Variants in KCNQ3 observed in about 807,000 individuals in gnomAD.
KCNQ3 encodes the protein potassium voltage-gated channel subfamily Q member 3.
Under a neutral mutation model 92.5 loss-of-function variants are expected in KCNQ3, and 30 were observed. The ratio of observed to expected loss-of-function variants is 0.32; its 90% confidence interval spans 0.24 to 0.44. KCNQ3 has a LOEUF of 0.44. Ranked by LOEUF, KCNQ3 falls within the 20% of genes least tolerant of loss-of-function variation. The pLI is 1.00. For synonymous variants in KCNQ3, 450 were observed against 468.8 expected, an observed-to-expected ratio of 0.96 and a Z score of 0.52; for missense variants, 913 against 1,140.3, an observed-to-expected ratio of 0.80 and a Z score of 2.87.
intron 1 of KCNQ3, among the ~76,000 whole-genome samples, chr8:132,295,954 G>C (rs1057411069): frequency 6.6e-6 from 1 of 152,046 alleles, no homozygotes; most frequent in African/African-American, 2.4e-5. Context: ...GTGATGGGTT[G>C]GTAGGTGCAG....
intron 1 of KCNQ3, among the ~76,000 whole-genome samples, chr8:132,377,417 C>A (rs1189031159): frequency 6.6e-6 from 1 of 152,176 alleles, no homozygotes; most frequent in Non-Finnish European, 1.5e-5. Context: ...CTCTGTATAT[C>A]CTCTTGGTCC....
chr8:132,446,212 C>T (rs890127886), intron 1 of KCNQ3, among the ~76,000 whole-genome samples: 2 of 152,312 alleles, frequency 1.3e-5, no homozygotes, highest in Middle Eastern at 6.8e-3. Context: ...CATGCCTCAG[C>T]CTGGATCCAC....
intron 3 of KCNQ3, 39 bp downstream of exon 3, chr8:132,184,202 G>A: frequency 1.2e-6 from 2 of 1,613,664 alleles, no homozygotes; most frequent in Non-Finnish European, 1.7e-6. Context: ...CCAAAAGAAG[G>A]GAACTGAGGA....
intron 1 of KCNQ3, among the ~76,000 whole-genome samples, chr8:132,368,153 C>T (rs1225329613): frequency 6.6e-6 from 1 of 152,106 alleles, no homozygotes; most frequent in African/African-American, 2.4e-5. Context: ...AATCGTTTTC[C>T]TTATAAACAT....
chr8:132,298,564 G>A (rs1232755025), intron 1 of KCNQ3, among the ~76,000 whole-genome samples: 2 of 152,082 alleles, frequency 1.3e-5, no homozygotes, highest in South Asian at 2.1e-4. Context: ...TGGGGTGGGG[G>A]AGCCTTAATA....
intron 1 of KCNQ3, chr8:132,278,188 G>C (rs1413085176): frequency 3.0e-6 from 3 of 985,082 alleles, no homozygotes; most frequent in Admixed American, 6.1e-5. Flanking sequence ...CATGTAAATT[G>C]GTTTCACATA....
chr8:132,139,944 A>AACTC, intron 11 of KCNQ3, 132 bp downstream of exon 11: 1 of 656,362 alleles, frequency 1.5e-6, no homozygotes, highest in Non-Finnish European at 2.7e-6. Flanking sequence ...TCAGGGACCT[A>AACTC]ACTCAGGGTT....
chr8:132,234,470 G>C lies in KCNQ3; in HGVS notation c.387-48289C>G, dbSNP rs542893106. ...CAGAGTTCTGGAAAGCCAGTCCTAT[G>C]ATGGGGCTACCTTCTGCGGGTGGGT... On this transcript the variant is annotated intron_variant, in intron 1 of 14. Transcript: ENST00000388996. Among the ~76,000 whole-genome samples, 3 of 149,256 alleles carry C rather than the reference G, an allele frequency of 2.0e-5. No individual in the cohort carries two copies. The South Asian group carries it at 6.4e-4, about 32-fold the overall frequency.
intron 1 of KCNQ3, among the ~76,000 whole-genome samples, chr8:132,383,237 A>G (rs1343393343): frequency 2.6e-5 from 4 of 152,234 alleles, no homozygotes; most frequent in African/African-American, 4.8e-5. Context: ...CAGGTTACAG[A>G]GGAATGCCTC....
intron 1 of KCNQ3, among the ~76,000 whole-genome samples, chr8:132,288,884 A>G (rs1816757548): frequency 6.6e-6 from 1 of 152,200 alleles, no homozygotes; most frequent in Non-Finnish European, 1.5e-5. Flanking sequence ...AATACTCAAG[A>G]GCCATTCACA....
intron 1 of KCNQ3, among the ~76,000 whole-genome samples, chr8:132,467,245 A>C (rs866187488): frequency 4.6e-5 from 7 of 152,160 alleles, no homozygotes; most frequent in African/African-American, 1.7e-4. Context: ...CACACCTTAG[A>C]ACTATCTAGA....
chr8:132,395,048 T>C (rs1820158540), intron 1 of KCNQ3, among the ~76,000 whole-genome samples: 1 of 152,206 alleles, frequency 6.6e-6, no homozygotes, highest in East Asian at 1.9e-4. Context: ...GATGGGAGTG[T>C]AGTGCTAATA....
intron 1 of KCNQ3, among the ~76,000 whole-genome samples, chr8:132,309,870 A>AGACTT (rs1364234053): frequency 3.3e-5 from 5 of 152,206 alleles, no homozygotes; most frequent in African/African-American, 1.2e-4. Flanking sequence ...AACATCTTTG[A>AGACTT]GACTTTCCCA....
At chr8:132,169,600 T>G (rs569841928) in intron 8 of KCNQ3, among the ~76,000 whole-genome samples, 1 of 152,288 alleles carries the variant, frequency 6.6e-6, no homozygotes, top group South Asian at 2.1e-4. Flanking sequence ...ATGCCCAGGT[T>G]GGAGGAACAT....
rs538460132 is a variant in KCNQ3 at position 132,441,833 on chromosome 8, CG to C, written c.386+38313del. Among the ~76,000 whole-genome samples the C allele has an allele frequency of 4.6e-5, 7 of 152,092 alleles. No individual in the cohort carries two copies. In the East Asian group the frequency reaches 1.4e-3, roughly 29 times the overall value. On this transcript the variant is annotated intron_variant, in intron 1 of 14. Coordinates refer to ENST00000388996, the MANE Select transcript of KCNQ3 (RefSeq NM_004519.4). ...CCATTCTGGAATCAACCTAAATATC[CG>C]TCAATGATAGACTGAATAAAGAAAA...
intron 1 of KCNQ3, among the ~76,000 whole-genome samples, chr8:132,205,034 A>G (rs568911265): frequency 6.6e-6 from 1 of 152,332 alleles, no homozygotes; most frequent in South Asian, 2.1e-4. Context: ...AAGCTTGGAC[A>G]ATATACAAAA....
intron 1 of KCNQ3, among the ~76,000 whole-genome samples, chr8:132,206,365 T>C (rs1813656151): frequency 1.3e-5 from 2 of 152,232 alleles, no homozygotes; most frequent in Admixed American, 1.3e-4. Context: ...ACCTTGGTCC[T>C]ATGCATTTCT....
intron 1 of KCNQ3, among the ~76,000 whole-genome samples, chr8:132,413,087 C>A (rs1820694962): frequency 6.6e-6 from 1 of 152,224 alleles, no homozygotes; most frequent in Non-Finnish European, 1.5e-5. Flanking sequence ...TGAATGAATG[C>A]ACAAACTTAT....
At chr8:132,424,656 T>A (rs1321013432) in intron 1 of KCNQ3, among the ~76,000 whole-genome samples, 1 of 152,224 alleles carries the variant, frequency 6.6e-6, no homozygotes, top group African/African-American at 2.4e-5. Context: ...AACTTATGTG[T>A]CACAGTTCTG....
Sources: gnomAD v4.1 joint callset for allele counts (sites outside exome capture counted in the v4.1 genomes callset) on GRCh38, gnomAD v4.1.1 for gene constraint, MANE v1.5 for transcripts, NCBI Gene and HGNC (gene_info 2026-07-23, HGNC 2026-07-21) for gene names.